RAD23B: variants seen among roughly 807,000 people sequenced by gnomAD.
RAD23B encodes RAD23 nucleotide excision repair protein B, also known as lysine-specific demethylase RAD23B.
A neutral mutation model predicts 49.1 loss-of-function variants in RAD23B; 5 were observed. The observed-to-expected ratio is 0.10, with a 90% CI of 0.05 to 0.21. The LOEUF is 0.21. Ranked by LOEUF, RAD23B falls within the 10% of genes least tolerant of loss-of-function variation. RAD23B has a pLI of 1.00. For synonymous variants in RAD23B, 184 were observed against 165.4 expected (o/e 1.11, Z -0.86); for missense variants, 356 against 486.7 (o/e 0.73, Z 2.53).
intron 4 of RAD23B, among the ~76,000 whole-genome samples, chr9:107,310,486 G>C (rs1826869120): frequency 6.6e-6 from 1 of 152,142 alleles, no homozygotes; most frequent in South Asian, 2.1e-4. Flanking sequence ...AAGTAGATTT[G>C]ATTGTGCCGA....
intron 1 of RAD23B, among the ~76,000 whole-genome samples, chr9:107,288,585 A>G (rs745429400): frequency 2.6e-5 from 4 of 152,132 alleles, no homozygotes; most frequent in Non-Finnish European, 4.4e-5. Context: ...AGCTGGGACT[A>G]GAGGTGTGCC....
At chr9:107,284,986 G>C in intron 1 of RAD23B, 2 of 1,286,382 alleles carry the variant, frequency 1.6e-6, no homozygotes, top group South Asian at 1.3e-5. Context: ...TGGAGATACA[G>C]TGTTACGTTT....
intron 5 of RAD23B, among the ~76,000 whole-genome samples, chr9:107,312,806 C>T (rs1330016224): frequency 6.6e-6 from 1 of 151,978 alleles, no homozygotes; most frequent in African/African-American, 2.4e-5. Context: ...GGCCTCGGCT[C>T]CAGCTGGAGC....
At chr9:107,307,072 T>G (rs1826795290) in intron 4 of RAD23B, among the ~76,000 whole-genome samples, 2 of 152,220 alleles carry the variant, frequency 1.3e-5, no homozygotes, top group Non-Finnish European at 2.9e-5. Flanking sequence ...TAGTAAATCT[T>G]TCCCGTAGTT....
chr9:107,318,939 C>T lies in RAD23B; in HGVS notation c.681+60C>T. On this transcript the variant is annotated intron_variant, in intron 6 of 9. Coordinates refer to ENST00000358015, the MANE Select transcript of RAD23B (RefSeq NM_002874.5). This position sits in a 1 kb window ranked among gnomAD's most constrained non-coding sequence, Gnocchi z 4.3. ...GTTTAAGATTAAAATCTCAAAGAAA[C>T]AGATTTTAAAGGACCAGTTCACTTG... is the stretch of plus-strand genomic sequence containing the variant. The T allele has an allele frequency of 2.6e-6, 4 of 1,512,500 alleles. No individual in the cohort carries two copies. Among genetic ancestry groups the T allele is most frequent in the Non-Finnish European group, 3.6e-6 (4 of 1,107,930 alleles). The allele number at this position is 1,512,500 out of a possible 1,614,324, so 93.7% of individuals were successfully genotyped here. A position where few individuals can be genotyped will look rare whatever the true frequency, so the allele number is the denominator to read the frequency against.
intron 6 of RAD23B, among the ~76,000 whole-genome samples, chr9:107,321,531 A>T (rs920354936): frequency 6.6e-6 from 1 of 152,218 alleles, no homozygotes; most frequent in African/African-American, 2.4e-5. Context: ...TTGCAAACTC[A>T]ATCCTTTTTA....
At chr9:107,328,350 G>A (rs1330819395) in intron 9 of RAD23B, among the ~76,000 whole-genome samples, 2 of 152,060 alleles carry the variant, frequency 1.3e-5, no homozygotes, top group East Asian at 1.9e-4. Context: ...TGGGGTGGGC[G>A]CAGTGATTTT....
intron 1 of RAD23B, among the ~76,000 whole-genome samples, chr9:107,286,878 C>CT (rs1330343127): frequency 2.0e-5 from 3 of 151,982 alleles, no homozygotes; most frequent in Non-Finnish European, 4.4e-5. Flanking sequence ...CGAGACCATC[C>CT]TGGTTAACAC....
intron 7 of RAD23B, among the ~76,000 whole-genome samples, chr9:107,322,347 A>G (rs759749088): frequency 1.5e-4 from 23 of 152,202 alleles, no homozygotes; most frequent in African/African-American, 4.3e-4. Flanking sequence ...GCCGAAGGGC[A>G]TATTCTGTTT....
Position 107,300,242 on chromosome 9 carries a change from AT to A in RAD23B, c.148+22del. ...ATGCAGGTATGAATTAAATATTAAA[AT>A]TAACATGCCATGTCTTGATATTCTT... On this transcript the variant is annotated intron_variant, in intron 2 of 9. Coordinates refer to ENST00000358015, the MANE Select transcript of RAD23B (RefSeq NM_002874.5). The A allele has an allele frequency of 1.3e-6, 2 of 1,591,834 alleles. No individual in the cohort carries two copies. The highest frequency in any genetic ancestry group is 1.7e-6 in the Non-Finnish European group (2 of 1,170,510).
rs751188425 is a variant in RAD23B, at chr9:107,306,411, A to C, written c.261A>C (p.Thr87=). ...CAGTGTCCACACCAGCACCAGCTAC[A>C]ACTCAGCAGTCAGCTCCTGCCAGCA... ...PKAVSTPAPA[T]TQQSAPASTT... The change falls in exon 4 of 10, where the codon ACA becomes ACC. Residue 87 remains threonine (T), a synonymous_variant. Coordinates refer to ENST00000358015, the MANE Select transcript of RAD23B (RefSeq NM_002874.5). 9 of 1,614,056 alleles carry C rather than the reference A, an allele frequency of 5.6e-6. No individual in the cohort carries two copies.
intron 1 of RAD23B, chr9:107,284,292 AC>A: frequency 3.2e-6 from 3 of 925,738 alleles, no homozygotes; most frequent in Non-Finnish European, 3.9e-6. Flanking sequence ...CCAAACCCAC[AC>A]CCTTGCGTAG....
At chr9:107,322,340 G>A (rs1316766605) in intron 7 of RAD23B, among the ~76,000 whole-genome samples, 2 of 152,220 alleles carry the variant, frequency 1.3e-5, no homozygotes, top group African/African-American at 4.8e-5. Flanking sequence ...CAGTTTTGCC[G>A]AAGGGCATAT....
At chr9:107,310,178 A>G (rs1826864640) in intron 4 of RAD23B, among the ~76,000 whole-genome samples, 1 of 152,166 alleles carries the variant, frequency 6.6e-6, no homozygotes, top group African/African-American at 2.4e-5. Context: ...CTCACCATCT[A>G]GAATGAAAAA....
At chr9:107,287,675 AAAT>A (rs2133061569) in intron 1 of RAD23B, among the ~76,000 whole-genome samples, 1 of 152,128 alleles carries the variant, frequency 6.6e-6, no homozygotes, top group South Asian at 2.1e-4. Context: ...TCTCTACTAA[AAAT>A]AGAAAATTAG....
chr9:107,302,762 TCTC>T (rs1468400403), intron 3 of RAD23B, among the ~76,000 whole-genome samples: 3 of 151,848 alleles, frequency 2.0e-5, no homozygotes, highest in Non-Finnish European at 4.4e-5. Flanking sequence ...TTCATGCCAT[TCTC>T]CTGCCTCAGC....
intron 1 of RAD23B, among the ~76,000 whole-genome samples, chr9:107,289,255 G>A (rs1305522644): frequency 1.3e-5 from 2 of 151,738 alleles, no homozygotes; most frequent in Non-Finnish European, 2.9e-5. Context: ...CATGATCATA[G>A]CTCACTGCAG....
At chr9:107,300,043 T>G in intron 1 of RAD23B, 98 bp from the exon 2 acceptor site, 1 of 1,389,240 alleles carries the variant, frequency 7.2e-7, no homozygotes, top group Non-Finnish European at 9.7e-7. Flanking sequence ...ACATTAATAA[T>G]TATGTATATA....
Position 107,318,991 on chromosome 9 carries a change from A to G in RAD23B, c.681+112A>G, listed in dbSNP as rs1587861302. On this transcript the variant is annotated intron_variant, in intron 6 of 9. Transcript: ENST00000358015. This position sits in a 1 kb window ranked among gnomAD's most constrained non-coding sequence, Gnocchi z 4.3. ...CACTGATATATGCTAGATGATATAC[A>G]TAATGCTTTTTTTTTTCTAGTATGT... 1.2e-5 allele frequency: 12 copies of G among 1,032,924 alleles called. No individual in the cohort carries two copies. Among genetic ancestry groups the G allele is most frequent in the Non-Finnish European group, 1.2e-5 (9 of 759,334 alleles). The allele number at this position is 1,032,924 out of a possible 1,614,324, so 64.0% of individuals were successfully genotyped here.
Sources: gnomAD v4.1 joint callset for allele counts (sites outside exome capture counted in the v4.1 genomes callset) on GRCh38, gnomAD v4.1.1 for gene constraint, Gnocchi (gnomAD v3.1) non-coding constraint, MANE v1.5 for transcripts, NCBI Gene and HGNC (gene_info 2026-07-23, HGNC 2026-07-21) for gene names.